The following NBEA variants were observed in gnomAD, a reference collection of about 807,000 sequenced individuals.
NBEA encodes lysosomal-trafficking regulator 2.
In NBEA, 44 loss-of-function variants were observed where a neutral mutation model predicts 343.4. The observed-to-expected ratio is 0.13, with a 90% confidence interval of 0.10 to 0.16. The LOEUF is 0.16. NBEA is among the 10% of genes least tolerant of loss of function. The pLI is 1.00. For missense variants in NBEA, 2,555 were observed against 3,631.3 expected, an observed-to-expected ratio of 0.70 and a Z score of 7.62; for synonymous variants, 1,175 against 1,238.7, an observed-to-expected ratio of 0.95 and a Z score of 1.08.
At chr13:35,366,669 C>G (rs534973182) in intron 38 of NBEA, among the ~76,000 whole-genome samples, 1 of 149,182 alleles carries the variant, frequency 6.7e-6, no homozygotes, top group African/African-American at 2.5e-5. Context: ...GTACGTTCCT[C>G]TTTCCCCCAA....
chr13:35,482,885 A>C (rs550729440), intron 41 of NBEA, among the ~76,000 whole-genome samples: 3 of 151,832 alleles, frequency 2.0e-5, no homozygotes, highest in Admixed American at 6.6e-5. Context: ...ATGTTTCTTC[A>C]TGCCCTGATT....
chr13:35,431,028 T>C (rs975584248), intron 38 of NBEA, among the ~76,000 whole-genome samples: 2 of 152,144 alleles, frequency 1.3e-5, no homozygotes, highest in African/African-American at 2.4e-5. Flanking sequence ...AACAAAATTA[T>C]ATAGCCATAA....
At chr13:35,105,541 C>T (rs983540176) in intron 11 of NBEA, among the ~76,000 whole-genome samples, 5 of 152,002 alleles carry the variant, frequency 3.3e-5, no homozygotes, top group African/African-American at 1.2e-4. Context: ...GTGAAGAAAG[C>T]GAGCTCATTT....
In NBEA at chr13:35,203,329, A is replaced by G. The variant is rs1347021726; in HGVS notation, c.5367-5371A>G. Among the ~76,000 whole-genome samples, 5 of 152,070 alleles carry G rather than the reference A, an allele frequency of 3.3e-5. No homozygotes were observed. In the East Asian group the frequency reaches 9.7e-4, roughly 29 times the overall value. On this transcript the variant is annotated intron_variant, in intron 31 of 58. Transcript: ENST00000379939. ...CTTTGTACTGTTACCTCTGCCTGTG[A>G]TGCTCTTCTCTAGATAGCCTCCTGG...
At chr13:35,108,861 A>T (rs1479830322) in intron 11 of NBEA, among the ~76,000 whole-genome samples, 1 of 152,064 alleles carries the variant, frequency 6.6e-6, no homozygotes, top group Non-Finnish European at 1.5e-5. Flanking sequence ...TGGAGAAGAG[A>T]AGGCCAAGGA....
chr13:35,068,700 A>G (rs1171403329), intron 8 of NBEA, among the ~76,000 whole-genome samples: 1 of 152,220 alleles, frequency 6.6e-6, no homozygotes, highest in Non-Finnish European at 1.5e-5. Context: ...GATAGTCTCT[A>G]CACGCTAGTC....
At chr13:35,345,119 T>A (rs2039800301) in intron 36 of NBEA, among the ~76,000 whole-genome samples, 1 of 152,066 alleles carries the variant, frequency 6.6e-6, no homozygotes, top group Admixed American at 6.6e-5. Context: ...TCTAAAAATG[T>A]CATTCATTTA....
chr13:35,084,563 T>C (rs2064624605), intron 10 of NBEA, among the ~76,000 whole-genome samples: 1 of 152,134 alleles, frequency 6.6e-6, no homozygotes, highest in Admixed American at 6.5e-5. Context: ...TAGCAGAATC[T>C]CTGGGACACA....
intron 35 of NBEA, among the ~76,000 whole-genome samples, chr13:35,308,011 C>T (rs545923603): frequency 6.6e-6 from 1 of 152,098 alleles, no homozygotes; most frequent in African/African-American, 2.4e-5. Context: ...CCCCAAGTTA[C>T]CATATCTCTT....
intron 1 of NBEA, among the ~76,000 whole-genome samples, chr13:34,960,170 G>A (rs540032844): frequency 3.3e-5 from 5 of 152,120 alleles, no homozygotes; most frequent in Non-Finnish European, 5.9e-5. Context: ...CTGACACTTC[G>A]TAGGTTTAGG....
chr13:35,084,004 T>C (rs2064580829), intron 10 of NBEA, among the ~76,000 whole-genome samples: 1 of 152,046 alleles, frequency 6.6e-6, no homozygotes, highest in Non-Finnish European at 1.5e-5. Context: ...GGTAAAGGGA[T>C]CAATTCAACA....
intron 18 of NBEA, among the ~76,000 whole-genome samples, chr13:35,151,360 A>G (rs1037179999): frequency 3.3e-5 from 5 of 151,998 alleles, no homozygotes; most frequent in African/African-American, 4.8e-5. Context: ...CCTGACCAAC[A>G]TGGAGAAACC....
intron 36 of NBEA, among the ~76,000 whole-genome samples, chr13:35,336,041 G>T (rs2039236987): frequency 6.6e-6 from 1 of 152,002 alleles, no homozygotes; most frequent in Admixed American, 6.6e-5. Flanking sequence ...AAATCTGGGA[G>T]GTTTTTTCTA....
At chr13:35,073,122 G>A (rs1401698433) in intron 10 of NBEA, among the ~76,000 whole-genome samples, 2 of 152,110 alleles carry the variant, frequency 1.3e-5, no homozygotes, top group Non-Finnish European at 2.9e-5. Flanking sequence ...GTGCATCAGT[G>A]AAATAGTCTG....
intron 38 of NBEA, among the ~76,000 whole-genome samples, chr13:35,381,921 A>G (rs932015796): frequency 1.3e-5 from 2 of 152,130 alleles, no homozygotes; most frequent in Non-Finnish European, 2.9e-5. Context: ...ATTTTTAATT[A>G]TCTTCTTCTA....
chr13:34,970,878 ATTTAAAAGTAGTT>A (rs1358824084), intron 1 of NBEA, among the ~76,000 whole-genome samples: 1 of 152,168 alleles, frequency 6.6e-6, no homozygotes, highest in Non-Finnish European at 1.5e-5. Context: ...TTCCATACGA[ATTTAAAAGTAGTT>A]TTTTTCTGGT....
chr13:35,220,445 C>A (rs1275711125), intron 33 of NBEA, among the ~76,000 whole-genome samples: 1 of 152,154 alleles, frequency 6.6e-6, no homozygotes, highest in Non-Finnish European at 1.5e-5. Flanking sequence ...TCTTGGAAAT[C>A]CACCTCGATG....
chr13:35,253,079 C>A (rs1277815056), intron 34 of NBEA, among the ~76,000 whole-genome samples: 2 of 152,158 alleles, frequency 1.3e-5, no homozygotes, highest in African/African-American at 2.4e-5. Context: ...TTCTCAAAGG[C>A]TCTGTGCCTG....
At chr13:35,643,002 A>G (rs2084037751) in intron 49 of NBEA, among the ~76,000 whole-genome samples, 1 of 151,882 alleles carries the variant, frequency 6.6e-6, no homozygotes, top group African/African-American at 2.4e-5. Context: ...CTTGCAGACC[A>G]ATGTATAGAG....
Sources: gnomAD v4.1 joint callset for allele counts (sites outside exome capture counted in the v4.1 genomes callset) on GRCh38, gnomAD v4.1.1 for gene constraint, MANE v1.5 for transcripts, NCBI Gene and HGNC (gene_info 2026-07-23, HGNC 2026-07-21) for gene names.